CCDC34: variants seen among roughly 807,000 people sequenced by gnomAD.
CCDC34 encodes the protein coiled-coil domain-containing protein 34.
Under a neutral mutation model 44.1 loss-of-function variants are expected in CCDC34, and 40 were observed. The observed-to-expected ratio is 0.91, with a 90% CI of 0.70 to 1.18. The LOEUF is 1.18. CCDC34 is among the 50% of genes most tolerant of loss of function. The pLI is 0.00. For missense variants in CCDC34, 466 were observed against 452.3 expected, an observed-to-expected ratio of 1.03 and a Z score of -0.28; for synonymous variants, 159 against 158.2, an observed-to-expected ratio of 1.01 and a Z score of -0.04.
At chr11:27,339,907 T>C (rs541951014) in intron 5 of CCDC34, among the ~76,000 whole-genome samples, 1 of 152,294 alleles carries the variant, frequency 6.6e-6, no homozygotes, top group South Asian at 2.1e-4. Context: ...TTAAAGCCAC[T>C]GCTTATTACT....
intron 2 of CCDC34, 58 bp from the exon 3 acceptor site, chr11:27,350,497 A>G: frequency 6.8e-7 from 1 of 1,467,252 alleles, no homozygotes; most frequent in South Asian, 1.3e-5. Flanking sequence ...AATAACATAC[A>G]TTTTAAAAGT....
chr11:27,348,148 G>A (rs375431625), intron 3 of CCDC34, among the ~76,000 whole-genome samples: 4 of 151,874 alleles, frequency 2.6e-5, no homozygotes, highest in South Asian at 4.2e-4. Flanking sequence ...TACAACTAAA[G>A]GAAACTAACA....
chr11:27,363,175 C>CG lies in CCDC34; in HGVS notation c.19_20insC (p.Trp7SerfsTer15), dbSNP rs1565064511. 7 of 1,489,220 alleles carry CG rather than the reference C, an allele frequency of 4.7e-6. No homozygotes were observed. Among genetic ancestry groups the CG allele is most frequent in the Non-Finnish European group, 6.2e-6 (7 of 1,126,014 alleles). The allele number at this position is 1,489,220 out of a possible 1,614,324, so 92.3% of individuals were successfully genotyped here. On this transcript the variant is annotated frameshift_variant, in exon 1 of 6. Coordinates refer to ENST00000328697, the MANE Select transcript of CCDC34 (RefSeq NM_030771.2). LOFTEE classifies it high-confidence loss of function. The stretch of plus-strand genomic sequence containing the variant: ...GTAGGAAGAGGGAAAAGTAGGCCCC[C>CG]AGCGCCCCGCCGCCCACATCTGGCC...
At chr11:27,343,932 A>G (rs1862398708) in intron 3 of CCDC34, among the ~76,000 whole-genome samples, 2 of 152,240 alleles carry the variant, frequency 1.3e-5, no homozygotes, top group African/African-American at 4.8e-5. Context: ...TTTTATGCCA[A>G]TAAATTCAAT....
chr11:27,342,602 A>T (rs912559511), intron 3 of CCDC34, among the ~76,000 whole-genome samples: 3 of 152,004 alleles, frequency 2.0e-5, no homozygotes, highest in Non-Finnish European at 4.4e-5. Context: ...ATCTACCATC[A>T]CCTGTATTTG....
In CCDC34 at chr11:27,362,983, C is replaced by T; in HGVS notation, c.212G>A (p.Gly71Asp). 1 of 1,614,152 alleles carries T rather than the reference C, an allele frequency of 6.2e-7. No individual in the cohort carries two copies. Among genetic ancestry groups the T allele is most frequent in the Non-Finnish European group, 8.5e-7 (1 of 1,180,012 alleles). The change falls in exon 1 of 6, where the codon GGC becomes GAC. Residue 71 changes from glycine to aspartate, a missense_variant. Physicochemically the swap from Gly to Asp is moderately conservative, Grantham distance 94. Transcript: ENST00000328697. ...CTCGTCAAACTGGAAGCTCTGGTGG[C>T]CAAGGGGAGACAACAGCGACCTGGT... ...NSTRSLLSPL[G>D]HQSFQFDEDD...
In CCDC34 at chr11:27,339,047, G is replaced by A. The variant is rs779206001; in HGVS notation, c.908-12C>T. 7 of 1,580,500 alleles carry A rather than the reference G, an allele frequency of 4.4e-6. No homozygotes were observed. In the East Asian group the frequency reaches 1.6e-4, roughly 35 times the overall value. On this transcript the variant is annotated splice_polypyrimidine_tract_variant and intron_variant, in intron 5 of 5. Transcript: ENST00000328697. ...TCCACTGTAAAAACCTAAAATTATT[G>A]AAAAATCAGATCAAAACAAGGAAAA... is the stretch of plus-strand genomic sequence containing the variant.
intron 3 of CCDC34, chr11:27,349,516 G>A (rs1862476188): frequency 1.1e-6 from 1 of 914,758 alleles, no homozygotes; most frequent in Non-Finnish European, 1.3e-6. Flanking sequence ...TTAAAATATT[G>A]TCCTACAATT....
chr11:27,349,861 G>A, intron 3 of CCDC34: 4 of 983,760 alleles, frequency 4.1e-6, no homozygotes, highest in Non-Finnish European at 3.6e-6. Flanking sequence ...AAGATATAAT[G>A]GAAAGAGATC....
At position 27,338,893 on chromosome 11, in the gene CCDC34, C is replaced by A; in HGVS notation, c.1050G>T (p.Lys350Asn). ...SKRPVISQPH[K>N]SSSLVIHKAR... ...CTTTATGAATTACCAGAGATGATGA[C>A]TTGTGTGGCTGACTTATCACAGGTC... Residue 350 changes from lysine (K) to asparagine (N), a missense_variant, in exon 6 of 6, where the codon AAG becomes AAT. Lys to Asn is a moderately conservative substitution (Grantham distance 94). Coordinates refer to ENST00000328697, the MANE Select transcript of CCDC34 (RefSeq NM_030771.2). 1 of 1,613,890 alleles carries A rather than the reference C, an allele frequency of 6.2e-7. No individual in the cohort carries two copies. The highest frequency in any genetic ancestry group is 8.5e-7 in the Non-Finnish European group (1 of 1,179,908).
At chr11:27,341,183 A>G (rs11828884) in intron 4 of CCDC34, among the ~76,000 whole-genome samples, 13,417 of 152,270 alleles carry the variant, frequency 0.088, 964 homozygotes, top group African/African-American at 0.2. Context: ...GACTGAAAAA[A>G]TATCAACAGG....
Position 27,338,739 on chromosome 11 carries a change from G to A in CCDC34, c.*82C>T. ...TGTCAATAATCACATTAAGTGTTGA[G>A]TTATTGACTGAGCAGTAAAAAACAA... On this transcript the variant is annotated 3_prime_UTR_variant, in exon 6 of 6. Coordinates refer to ENST00000328697, the MANE Select transcript of CCDC34 (RefSeq NM_030771.2). 9.1e-7 allele frequency: 1 copy of A among 1,103,324 alleles called. No individual in the cohort carries two copies. The highest frequency in any genetic ancestry group is 1.4e-6 in the Non-Finnish European group (1 of 735,974). The allele number at this position is 1,103,324 out of a possible 1,614,324, so 68.3% of individuals were successfully genotyped here.
chr11:27,344,480 CAT>C (rs146535012), intron 3 of CCDC34, among the ~76,000 whole-genome samples: 3,013 of 151,808 alleles, frequency 0.02, 99 homozygotes, highest in African/African-American at 0.068. Flanking sequence ...CGCATTGTTA[CAT>C]GTTATAAACA....
chr11:27,345,871 A>G (rs1201344577), intron 3 of CCDC34, among the ~76,000 whole-genome samples: 1 of 152,178 alleles, frequency 6.6e-6, no homozygotes, highest in Non-Finnish European at 1.5e-5. Flanking sequence ...ACTGACTTCC[A>G]CAATGGTTGA....
At chr11:27,358,966 C>T (rs1007017621) in intron 1 of CCDC34, among the ~76,000 whole-genome samples, 1 of 118,890 alleles carries the variant, frequency 8.4e-6, no homozygotes, top group Non-Finnish European at 1.8e-5. Flanking sequence ...GGACCCCCCC[C>T]CCCCACCGCC....
intron 2 of CCDC34, among the ~76,000 whole-genome samples, chr11:27,352,489 ATATG>A (rs1833504308): frequency 6.6e-6 from 1 of 152,198 alleles, no homozygotes; most frequent in Non-Finnish European, 1.5e-5. Flanking sequence ...ACATGTGTAT[ATATG>A]TATGTTTATA....
rs548479307 is a variant in CCDC34 at position 27,358,407 on chromosome 11, GT to G, written c.360-867del. On this transcript the variant is annotated intron_variant, in intron 1 of 5. Coordinates refer to ENST00000328697, the MANE Select transcript of CCDC34 (RefSeq NM_030771.2). The stretch of plus-strand genomic sequence containing the variant: ...GGACATAAGGTAGCTCTAAAGACTA[GT>G]TTATTACAGACTCAGTTCTTTGTCT... Among the ~76,000 whole-genome samples the G allele has an allele frequency of 2.9e-3, 449 of 152,292 alleles. 2 individuals carry two copies. Among genetic ancestry groups the G allele is most frequent in the African/African-American group, 0.01 (432 of 41,562 alleles).
rs59245821 is a variant in CCDC34, at chr11:27,357,837, CTT to C, written c.360-298_360-297del. ...CTATACATTTGCCTCAATGCCAACA[CTT>C]TTTTATTTCTAAAAATCTTACCTGG... is the stretch of plus-strand genomic sequence containing the variant. On this transcript the variant is annotated intron_variant, in intron 1 of 5. Coordinates refer to ENST00000328697, the MANE Select transcript of CCDC34 (RefSeq NM_030771.2). 6.2e-3 allele frequency among the ~76,000 whole-genome samples: 947 copies of C among 152,250 alleles called. 11 individuals are homozygous for C. The highest frequency in any genetic ancestry group is 0.022 in the African/African-American group (900 of 41,560).
intron 1 of CCDC34, among the ~76,000 whole-genome samples, chr11:27,362,278 A>C (rs1267710598): frequency 1.3e-5 from 2 of 152,208 alleles, no homozygotes; most frequent in East Asian, 3.8e-4. Context: ...CATTGATACA[A>C]TGACATCCAT....
Sources: gnomAD v4.1 joint callset for allele counts (sites outside exome capture counted in the v4.1 genomes callset) on GRCh38, gnomAD v4.1.1 for gene constraint, MANE v1.5 for transcripts, NCBI Gene and HGNC (gene_info 2026-07-23, HGNC 2026-07-21) for gene names.